Variants in FOXP1 observed in about 807,000 individuals in gnomAD.
FOXP1 encodes forkhead box protein P1.
In FOXP1, 15 loss-of-function variants were observed where a neutral mutation model predicts 98.2. The observed-to-expected ratio is 0.15, with a 90% CI of 0.10 to 0.24. The LOEUF is 0.24. FOXP1 is among the 10% of genes least tolerant of loss of function. FOXP1 has a pLI of 1.00. For missense variants in FOXP1, 633 were observed against 848.5 expected, an observed-to-expected ratio of 0.75 and a Z score of 3.15; for synonymous variants, 371 against 314.5, an observed-to-expected ratio of 1.18 and a Z score of -1.90.
chr3:71,234,709 G>A (rs375930135), intron 5 of FOXP1, among the ~76,000 whole-genome samples: 2 of 152,276 alleles, frequency 1.3e-5, no homozygotes, highest in Non-Finnish European at 2.9e-5. Flanking sequence ...TTATTCCTCT[G>A]TGAATGTTCA....
At chr3:71,475,092 C>T (rs1215768126) in intron 3 of FOXP1, among the ~76,000 whole-genome samples, 1 of 152,090 alleles carries the variant, frequency 6.6e-6, no homozygotes, top group Non-Finnish European at 1.5e-5. Context: ...GCAGGCAGCC[C>T]TCACATCCTC....
At chr3:71,043,161 A>G (rs967926942) in intron 10 of FOXP1, among the ~76,000 whole-genome samples, 3 of 152,206 alleles carry the variant, frequency 2.0e-5, no homozygotes, top group East Asian at 1.9e-4. Flanking sequence ...CAATTAATAT[A>G]TATTATAAAG....
Position 71,088,432 on chromosome 3 carries a change from C to T in FOXP1, c.282+24104G>A, listed in dbSNP as rs145922560. Among the ~76,000 whole-genome samples, 53 of 147,180 alleles carry T rather than the reference C, an allele frequency of 3.6e-4. No individual in the cohort carries two copies. In the East Asian group the frequency reaches 0.011, roughly 30 times the overall value. On this transcript the variant is annotated intron_variant, in intron 7 of 20. Transcript: ENST00000649528. The stretch of plus-strand genomic sequence containing the variant: ...TTTTTTTGGCTTACCAGTTTAATGT[C>T]CCATAAGAATGTAATCTCCCGGCTG...
intron 5 of FOXP1, among the ~76,000 whole-genome samples, chr3:71,225,831 C>G (rs1187397003): frequency 6.6e-6 from 1 of 152,144 alleles, no homozygotes; most frequent in Non-Finnish European, 1.5e-5. Context: ...TGGAAAGGAG[C>G]TGGATATGAG....
Position 70,957,329 on chromosome 3 carries a change from C to T in FOXP1, c.*1918G>A, listed in dbSNP as rs915335319. 3 of 228,070 alleles carry T rather than the reference C, an allele frequency of 1.3e-5. No individual in the cohort carries two copies. The highest frequency in any genetic ancestry group is 2.2e-5 in the African/African-American group (1 of 44,982). 14.1% of individuals were successfully genotyped at this position (228,070 alleles called of 1,614,324 possible). On this transcript the variant is annotated 3_prime_UTR_variant, in exon 21 of 21. Transcript: ENST00000649528. ...TAGAAAAAAGTAACAACTTTGGTTC[C>T]ATTATCTACTTGGTCTTCTAAATTT... is the stretch of plus-strand genomic sequence containing the variant.
intron 3 of FOXP1, among the ~76,000 whole-genome samples, chr3:71,479,561 C>A (rs1299610975): frequency 1.3e-5 from 2 of 151,732 alleles, no homozygotes; most frequent in African/African-American, 4.8e-5. Context: ...CGCCTGTAAT[C>A]CCAGCTACTC....
At chr3:71,362,645 T>C (rs1021155622) in intron 3 of FOXP1, among the ~76,000 whole-genome samples, 4 of 152,116 alleles carry the variant, frequency 2.6e-5, no homozygotes, top group African/African-American at 9.7e-5. Flanking sequence ...AATTTTTGTA[T>C]TTTTTGTAGA....
At chr3:71,219,453 T>C (rs2108498142) in intron 5 of FOXP1, among the ~76,000 whole-genome samples, 1 of 152,308 alleles carries the variant, frequency 6.6e-6, no homozygotes, top group Admixed American at 6.5e-5. Flanking sequence ...TAAAAACCAA[T>C]ACCTAATTCA....
upstream of FOXP1, chr3:71,583,967 C>G (rs2048396318): frequency 1.0e-6 from 1 of 981,152 alleles, no homozygotes; most frequent in Non-Finnish European, 1.2e-6. Flanking sequence ...TGCCGTTCGC[C>G]GGGGCGCTGG....
intron 4 of FOXP1, among the ~76,000 whole-genome samples, chr3:71,337,259 G>A (rs1299559038): frequency 6.6e-6 from 1 of 152,142 alleles, no homozygotes; most frequent in Non-Finnish European, 1.5e-5. Flanking sequence ...CAATTTTTAT[G>A]TAAATATATA....
At chr3:71,254,958 T>G (rs2068509573) in intron 5 of FOXP1, among the ~76,000 whole-genome samples, 1 of 152,136 alleles carries the variant, frequency 6.6e-6, no homozygotes, top group Admixed American at 6.5e-5. Context: ...TGAACGGAGC[T>G]TTTTAAAAGG....
intron 3 of FOXP1, among the ~76,000 whole-genome samples, chr3:71,398,374 A>G (rs1366662006): frequency 6.6e-6 from 1 of 152,226 alleles, no homozygotes; most frequent in East Asian, 1.9e-4. Flanking sequence ...TGACAGAAAC[A>G]TAAGATATTT....
intron 2 of FOXP1, among the ~76,000 whole-genome samples, chr3:71,532,556 G>C (rs1445190216): frequency 6.6e-6 from 1 of 152,142 alleles, no homozygotes; most frequent in Non-Finnish European, 1.5e-5. Context: ...AATTAATTTG[G>C]TGTCAGTGTG....
intron 6 of FOXP1, among the ~76,000 whole-genome samples, chr3:71,121,917 G>C (rs535031777): frequency 1.3e-5 from 2 of 149,118 alleles, no homozygotes; most frequent in South Asian, 4.2e-4. Context: ...TGAATCAAAA[G>C]GCTCTATTAA....
chr3:71,302,428 T>C lies in FOXP1; in HGVS notation c.-72-2548A>G, dbSNP rs181345012. ...ATTTTCTTTAAATCACTTTTACTTA[T>C]CAAATAGATCAACTATTTACCTGTA... is the stretch of plus-strand genomic sequence containing the variant. On this transcript the variant is annotated intron_variant, in intron 4 of 20. Coordinates refer to ENST00000649528, the MANE Select transcript of FOXP1 (RefSeq NM_001349338.3). 7.3e-5 allele frequency among the ~76,000 whole-genome samples: 11 copies of C among 149,896 alleles called. No homozygotes were observed. The East Asian group carries it at 2.2e-3, about 29-fold the overall frequency.
At chr3:71,195,366 A>G (rs577102027) in intron 6 of FOXP1, among the ~76,000 whole-genome samples, 2 of 152,254 alleles carry the variant, frequency 1.3e-5, no homozygotes, top group African/African-American at 2.4e-5. Flanking sequence ...AAAGGTTTGC[A>G]TTTATTTATT....
chr3:71,163,004 G>A (rs1223442090), intron 6 of FOXP1, among the ~76,000 whole-genome samples: 1 of 152,176 alleles, frequency 6.6e-6, no homozygotes, highest in Admixed American at 6.5e-5. Flanking sequence ...AAAAAAGCAA[G>A]CTGGTGTTCC....
chr3:71,475,206 C>T (rs1156916987), intron 3 of FOXP1, among the ~76,000 whole-genome samples: 2 of 152,130 alleles, frequency 1.3e-5, no homozygotes, highest in Non-Finnish European at 2.9e-5. Context: ...GATGCTAACC[C>T]CATGCCGTCC....
intron 11 of FOXP1, among the ~76,000 whole-genome samples, chr3:71,019,941 T>G (rs1412833276): frequency 6.6e-6 from 1 of 152,196 alleles, no homozygotes; most frequent in Non-Finnish European, 1.5e-5. Context: ...AATATATTGT[T>G]CTATTTCATT....
Sources: allele counts gnomAD v4.1 joint callset (sites outside exome capture counted in the v4.1 genomes callset), GRCh38; gene constraint gnomAD v4.1.1; transcripts MANE v1.5; gene names NCBI Gene and HGNC (gene_info 2026-07-23, HGNC 2026-07-21).